The following CNTN5 variants were observed in gnomAD, a reference collection of about 807,000 sequenced individuals.
The protein encoded by CNTN5 is contactin-5.
CNTN5 carries 77 observed loss-of-function variants against 129.1 expected under a neutral mutation model. That is an observed-to-expected ratio of 0.60 (90% CI 0.50 to 0.72). The LOEUF (loss-of-function observed/expected upper bound fraction) is 0.72. Among genes scored for constraint, CNTN5 ranks in the 30% least tolerant of loss-of-function variants. The probability of loss-of-function intolerance (pLI) is 0.00; values close to 1 mark genes in which losing one functional copy is unlikely to be tolerated. For missense variants in CNTN5, 1,478 were observed against 1,328.8 expected, an observed-to-expected ratio of 1.11 and a Z score of -1.75; for synonymous variants, 509 against 465.6, an observed-to-expected ratio of 1.09 and a Z score of -1.20.
intron 1 of CNTN5, among the ~76,000 whole-genome samples, chr11:99,194,944 A>G: frequency 6.6e-6 from 1 of 152,170 alleles, no homozygotes. Flanking sequence ...GTGCTTCAAC[A>G]TTGTGAAATA....
intron 18 of CNTN5, among the ~76,000 whole-genome samples, chr11:100,285,593 T>C (rs1326843583): frequency 1.3e-5 from 2 of 152,248 alleles, no homozygotes; most frequent in East Asian, 3.8e-4. Context: ...AAAAGAAGTG[T>C]TGAATGAAAG....
chr11:99,376,189 C>T (rs1415747955), intron 2 of CNTN5, among the ~76,000 whole-genome samples: 1 of 152,160 alleles, frequency 6.6e-6, no homozygotes, highest in Admixed American at 6.6e-5. Context: ...ATGTTCCAGT[C>T]TCAGTGTACC....
chr11:100,281,142 A>G (rs1950627721), intron 18 of CNTN5, among the ~76,000 whole-genome samples: 1 of 152,142 alleles, frequency 6.6e-6, no homozygotes, highest in Non-Finnish European at 1.5e-5. Context: ...TTACAGTGTT[A>G]TAATATTCTG....
intron 2 of CNTN5, among the ~76,000 whole-genome samples, chr11:99,350,224 G>GTA (rs1448026985): frequency 3.3e-5 from 5 of 151,934 alleles, no homozygotes; most frequent in African/African-American, 1.2e-4. Context: ...TAATTGCTAT[G>GTA]TATATGAAAA....
intron 13 of CNTN5, among the ~76,000 whole-genome samples, chr11:100,139,218 A>G (rs928366648): frequency 1.3e-5 from 2 of 152,166 alleles, no homozygotes; most frequent in Non-Finnish European, 2.9e-5. Context: ...TAATCACCAT[A>G]TAGATTATAA....
In CNTN5 at chr11:100,002,056, G is replaced by A. The variant is rs200186014; in HGVS notation, c.900G>A (p.Pro300=). ...AAGGTGTGATGGGAGAATATGAGCC[G>A]AAAATTGAGGTCCATTTTCCTTTCA... The part of the protein sequence containing the change: ...RNDGVMGEYE[P]KIEVHFPFTV... Residue 300 remains proline (P), a synonymous_variant, in exon 9 of 25, where the codon CCG becomes CCA. Coordinates refer to ENST00000524871, the MANE Select transcript of CNTN5 (RefSeq NM_014361.4). 650 of 1,596,786 alleles carry A rather than the reference G, an allele frequency of 4.1e-4. No homozygotes were observed. The highest frequency in any genetic ancestry group is 4.5e-4 in the Non-Finnish European group (530 of 1,174,480).
chr11:99,796,110 A>G (rs1945928967), intron 3 of CNTN5, among the ~76,000 whole-genome samples: 1 of 152,102 alleles, frequency 6.6e-6, no homozygotes, highest in Non-Finnish European at 1.5e-5. Flanking sequence ...GCATCTGTGC[A>G]CTCAATCACA....
intron 3 of CNTN5, among the ~76,000 whole-genome samples, chr11:99,748,290 T>C (rs1944122871): frequency 6.6e-6 from 1 of 152,148 alleles, no homozygotes; most frequent in Non-Finnish European, 1.5e-5. Context: ...GATTAATTAT[T>C]CATTAATTCA....
At chr11:99,217,357 T>C (rs1333041878) in intron 1 of CNTN5, among the ~76,000 whole-genome samples, 1 of 152,166 alleles carries the variant, frequency 6.6e-6, no homozygotes, top group Non-Finnish European at 1.5e-5. Context: ...TATCAGAGAA[T>C]GCTGATCAAA....
chr11:99,387,640 AG>A (rs1940993516), intron 2 of CNTN5, among the ~76,000 whole-genome samples: 1 of 149,122 alleles, frequency 6.7e-6, no homozygotes, highest in African/African-American at 2.4e-5. Flanking sequence ...AACCAAAGGA[AG>A]TTTCTGTCTC....
At chr11:100,306,687 A>T (rs1437278578) in intron 20 of CNTN5, among the ~76,000 whole-genome samples, 1 of 151,730 alleles carries the variant, frequency 6.6e-6, no homozygotes, top group Non-Finnish European at 1.5e-5. Context: ...CCCACTAAAT[A>T]GCATGGGGAA....
chr11:99,332,558 G>A (rs945470872), intron 2 of CNTN5, among the ~76,000 whole-genome samples: 1 of 151,910 alleles, frequency 6.6e-6, no homozygotes, highest in Non-Finnish European at 1.5e-5. Flanking sequence ...ACATACGCCT[G>A]TTTTATTTAC....
chr11:99,034,309 T>C (rs1214541976), intron 1 of CNTN5, among the ~76,000 whole-genome samples: 1 of 152,032 alleles, frequency 6.6e-6, no homozygotes, highest in Non-Finnish European at 1.5e-5. Flanking sequence ...GGATTCCCTC[T>C]TTTTCTATTG....
chr11:99,413,277 A>G (rs1319828170), intron 2 of CNTN5, among the ~76,000 whole-genome samples: 8 of 152,228 alleles, frequency 5.3e-5, no homozygotes, highest in African/African-American at 1.4e-4. Flanking sequence ...AGTCTGAAAT[A>G]TCTTGATATG....
intron 2 of CNTN5, among the ~76,000 whole-genome samples, chr11:99,347,043 C>A (rs1937939106): frequency 6.6e-6 from 1 of 152,210 alleles, no homozygotes; most frequent in African/African-American, 2.4e-5. Context: ...GTTTTGTATG[C>A]AAAATCTCAT....
chr11:99,996,091 G>A (rs1939426788), intron 8 of CNTN5, among the ~76,000 whole-genome samples: 1 of 152,030 alleles, frequency 6.6e-6, no homozygotes, highest in Non-Finnish European at 1.5e-5. Context: ...TACTGACATT[G>A]CCAAATTCCC....
At chr11:100,113,263 A>G (rs1310915681) in intron 13 of CNTN5, among the ~76,000 whole-genome samples, 4 of 151,818 alleles carry the variant, frequency 2.6e-5, no homozygotes, top group African/African-American at 4.8e-5. Flanking sequence ...AATGTAAAGT[A>G]TTAATTAATT....
intron 2 of CNTN5, among the ~76,000 whole-genome samples, chr11:99,510,786 G>A (rs1038473986): frequency 3.9e-5 from 6 of 152,108 alleles, no homozygotes; most frequent in African/African-American, 1.4e-4. Flanking sequence ...GTTTACATAT[G>A]TACTATACTA....
intron 3 of CNTN5, among the ~76,000 whole-genome samples, chr11:99,581,499 T>C (rs1435432519): frequency 6.6e-6 from 1 of 150,746 alleles, no homozygotes; most frequent in African/African-American, 2.5e-5. Context: ...GGACTTGCTT[T>C]ATGAATCTGG....
Sources: gnomAD v4.1 joint callset for allele counts (sites outside exome capture counted in the v4.1 genomes callset) on GRCh38, gnomAD v4.1.1 for gene constraint, MANE v1.5 for transcripts, NCBI Gene and HGNC (gene_info 2026-07-23, HGNC 2026-07-21) for gene names.